Variants in KCNAB1 observed in about 807,000 individuals in gnomAD.
KCNAB1 encodes potassium voltage-gated channel subfamily A regulatory beta subunit 1.
Under a neutral mutation model 64.6 loss-of-function variants are expected in KCNAB1, and 35 were observed. That is an observed-to-expected ratio of 0.54 (90% CI 0.41 to 0.72). KCNAB1 has a LOEUF of 0.72. Among genes scored for constraint, KCNAB1 ranks in the 30% least tolerant of loss-of-function variants. The pLI is 0.00. For synonymous variants in KCNAB1, 177 were observed against 183.8 expected (o/e 0.96, Z 0.30); for missense variants, 401 against 512.9 (o/e 0.78, Z 2.11).
At chr3:156,170,333 G>C (rs528749844) in intron 1 of KCNAB1, among the ~76,000 whole-genome samples, 2 of 151,242 alleles carry the variant, frequency 1.3e-5, no homozygotes, top group East Asian at 1.9e-4. Flanking sequence ...TTGGCATTCC[G>C]GCTACTACTG....
At chr3:156,194,938 C>T (rs991584442) in intron 1 of KCNAB1, among the ~76,000 whole-genome samples, 30 of 152,090 alleles carry the variant, frequency 2.0e-4, no homozygotes, top group African/African-American at 6.8e-4. Flanking sequence ...CCTCTCCTTT[C>T]CCCCCACCCC....
intron 13 of KCNAB1, among the ~76,000 whole-genome samples, chr3:156,535,677 A>C (rs1295754541): frequency 6.6e-6 from 1 of 152,140 alleles, no homozygotes; most frequent in Non-Finnish European, 1.5e-5. Context: ...ATACCAATAT[A>C]CTTCTAGTTA....
chr3:156,167,095 A>G (rs1410261585), intron 1 of KCNAB1, among the ~76,000 whole-genome samples: 1 of 152,146 alleles, frequency 6.6e-6, no homozygotes, highest in African/African-American at 2.4e-5. Flanking sequence ...GTGCCCAGCT[A>G]TCTGCATCCC....
At chr3:156,234,151 G>A (rs1192707688) in intron 1 of KCNAB1, among the ~76,000 whole-genome samples, 1 of 152,076 alleles carries the variant, frequency 6.6e-6, no homozygotes, top group African/African-American at 2.4e-5. Flanking sequence ...GCTGGGGTTG[G>A]GGAGAGGAGG....
At chr3:156,207,392 CT>C (rs1714737690) in intron 1 of KCNAB1, among the ~76,000 whole-genome samples, 2 of 152,212 alleles carry the variant, frequency 1.3e-5, no homozygotes, top group African/African-American at 4.8e-5. Flanking sequence ...CTTTATGACT[CT>C]GTCTACCTTG....
intron 1 of KCNAB1, among the ~76,000 whole-genome samples, chr3:156,321,647 A>G (rs749467647): frequency 6.6e-6 from 1 of 152,234 alleles, no homozygotes; most frequent in Non-Finnish European, 1.5e-5. Flanking sequence ...CCTTTTATAC[A>G]ATTTATAACA....
At chr3:156,520,697 A>G (rs1717887819) in intron 11 of KCNAB1, among the ~76,000 whole-genome samples, 1 of 152,264 alleles carries the variant, frequency 6.6e-6, no homozygotes, top group Non-Finnish European at 1.5e-5. Flanking sequence ...TCATATTAAG[A>G]AACTAAGCAT....
chr3:156,191,107 G>T (rs181438977), intron 1 of KCNAB1, among the ~76,000 whole-genome samples: 31 of 152,358 alleles, frequency 2.0e-4, no homozygotes, highest in African/African-American at 7.2e-4. Flanking sequence ...TGAAGAGATG[G>T]ATTCACATGT....
Position 156,291,892 on chromosome 3 carries a change from G to A in KCNAB1, c.276-129724G>A, listed in dbSNP as rs745583052. ...TCTGGGGTTCTGAGAGGGACCGTGC[G>A]CTGCCTGGGGAAGCAATGCAAGTCT... On this transcript the variant is annotated intron_variant, in intron 1 of 13. Coordinates refer to ENST00000490337, the MANE Select transcript of KCNAB1 (RefSeq NM_172160.3). 18 of 1,613,614 alleles carry A rather than the reference G, an allele frequency of 1.1e-5. No individual in the cohort carries two copies. The East Asian group carries it at 2.9e-4, about 26-fold the overall frequency.
chr3:156,396,147 A>G (rs573493184), intron 1 of KCNAB1, among the ~76,000 whole-genome samples: 1 of 152,170 alleles, frequency 6.6e-6, no homozygotes, highest in African/African-American at 2.4e-5. Flanking sequence ...TTTGGACAGG[A>G]CTTATTTGTT....
chr3:156,233,639 C>A (rs1211109678), intron 1 of KCNAB1, among the ~76,000 whole-genome samples: 2 of 152,078 alleles, frequency 1.3e-5, no homozygotes, highest in African/African-American at 4.8e-5. Flanking sequence ...AGGGCAAAAG[C>A]AGAAAGGCCT....
intron 1 of KCNAB1, among the ~76,000 whole-genome samples, chr3:156,229,988 G>T (rs928594828): frequency 2.0e-4 from 31 of 152,042 alleles, no homozygotes; most frequent in African/African-American, 7.5e-4. Flanking sequence ...GTTTCATTAT[G>T]TTTCAGGCCT....
chr3:156,313,374 A>G (rs1317028762), intron 1 of KCNAB1, among the ~76,000 whole-genome samples: 1 of 152,214 alleles, frequency 6.6e-6, no homozygotes, highest in Non-Finnish European at 1.5e-5. Context: ...AGGACTTTGC[A>G]GATGGGATTA....
chr3:156,290,752 T>C (rs1720353488), intron 1 of KCNAB1, among the ~76,000 whole-genome samples: 2 of 152,172 alleles, frequency 1.3e-5, no homozygotes, highest in South Asian at 4.1e-4. Flanking sequence ...ATCCCCCTCC[T>C]GAGTGGTGCT....
intron 1 of KCNAB1, among the ~76,000 whole-genome samples, chr3:156,309,051 A>T (rs1012582320): frequency 1.3e-5 from 2 of 152,194 alleles, no homozygotes; most frequent in Non-Finnish European, 2.9e-5. Context: ...AAAAGAAAAA[A>T]TAATCTTCCC....
chr3:156,367,511 T>A (rs1319983479), intron 1 of KCNAB1, among the ~76,000 whole-genome samples: 1 of 152,118 alleles, frequency 6.6e-6, no homozygotes, highest in Non-Finnish European at 1.5e-5. Context: ...CATCCTTTAT[T>A]CACAGAAAAA....
At position 156,516,266 on chromosome 3, in the gene KCNAB1, G is replaced by T. The variant is rs768121038; in HGVS notation, c.866-4G>T. The T allele has an allele frequency of 1.2e-6, 2 of 1,611,028 alleles. No homozygotes were observed. Among genetic ancestry groups the T allele is most frequent in the South Asian group, 2.2e-5 (2 of 90,972 alleles). On this transcript the variant is annotated splice_region_variant and splice_polypyrimidine_tract_variant and intron_variant, in intron 10 of 13. Transcript: ENST00000490337. ...AGCAACTTTCTAAGTTTTTTCTTCT[G>T]TAGGTGTTGGCGCAATGACATGGTC...
intron 8 of KCNAB1, among the ~76,000 whole-genome samples, chr3:156,493,430 G>A (rs1392775123): frequency 6.6e-6 from 1 of 151,496 alleles, no homozygotes; most frequent in Admixed American, 6.6e-5. Context: ...ATGTACTTTT[G>A]TCTATTTTTA....
At chr3:156,121,362 A>G (rs1713334323) in intron 1 of KCNAB1, among the ~76,000 whole-genome samples, 1 of 152,246 alleles carries the variant, frequency 6.6e-6, no homozygotes, top group Non-Finnish European at 1.5e-5. Flanking sequence ...ATAGGGATGC[A>G]GAATGGGACA....
Sources: allele counts gnomAD v4.1 joint callset (sites outside exome capture counted in the v4.1 genomes callset), GRCh38; gene constraint gnomAD v4.1.1; transcripts MANE v1.5; gene names NCBI Gene and HGNC (gene_info 2026-07-23, HGNC 2026-07-21).